Variants in NADK observed in about 807,000 individuals in gnomAD.
NADK encodes the protein poly(P)/ATP NAD kinase.
In NADK, 22 loss-of-function variants were observed where a neutral mutation model predicts 49.8. The observed-to-expected ratio is 0.44, with a 90% CI of 0.32 to 0.63. The LOEUF (loss-of-function observed/expected upper bound fraction) is 0.63, where lower values mean the gene tolerates loss of function less well. Among genes scored for constraint, NADK ranks in the 30% least tolerant of loss-of-function variants. The probability of loss-of-function intolerance (pLI) is 0.06; values close to 1 mark genes in which losing one functional copy is unlikely to be tolerated. For synonymous variants in NADK, 268 were observed against 253.7 expected, an observed-to-expected ratio of 1.06 and a Z score of -0.54; for missense variants, 438 against 609.4, an observed-to-expected ratio of 0.72 and a Z score of 2.96.
chr1:1,763,989 A>C lies in NADK; in HGVS notation c.179+1239T>G, dbSNP rs377728719. ...CTGGAGGTACAGGACAACGACCCCC[A>C]CTGACAACGAGGCAACGAGGCATCT... is the stretch of plus-strand genomic sequence containing the variant. On this transcript the variant is annotated intron_variant, in intron 2 of 11. Transcript: ENST00000341426. 8.5e-5 allele frequency among the ~76,000 whole-genome samples: 13 copies of C among 152,316 alleles called. 1 individual carries two copies. Among genetic ancestry groups the C allele is most frequent in the Admixed American group, 2.6e-4 (4 of 15,298 alleles).
intron 3 of NADK, among the ~76,000 whole-genome samples, chr1:1,760,336 G>T (rs1056696424): frequency 6.6e-6 from 1 of 152,194 alleles, no homozygotes; most frequent in Non-Finnish European, 1.5e-5. Flanking sequence ...CTCCGTCAGC[G>T]TCTGGAGCAG....
rs1408297206 is a variant in NADK at position 1,754,416 on chromosome 1, G to A, written c.844-33C>T. On this transcript the variant is annotated intron_variant, in intron 8 of 11. Coordinates refer to ENST00000341426, the MANE Select transcript of NADK (RefSeq NM_023018.5). The surrounding 1 kb of genome is among the most constrained non-coding windows in gnomAD (Gnocchi z 4.3). The stretch of plus-strand genomic sequence containing the variant: ...GGCGACAGCATTGCACACTCAGGGC[G>A]GGGGATGCCGCACGGCTCGCAGACA... The A allele has an allele frequency of 1.7e-5, 27 of 1,610,612 alleles. No homozygotes were observed. The highest frequency in any genetic ancestry group is 2.2e-5 in the Non-Finnish European group (26 of 1,177,358).
intron 2 of NADK, among the ~76,000 whole-genome samples, chr1:1,762,545 C>CA (rs1355540411): frequency 6.6e-6 from 1 of 152,110 alleles, no homozygotes; most frequent in Non-Finnish European, 1.5e-5. Flanking sequence ...CACGTGAGGT[C>CA]AGGAGTTTGA....
At chr1:1,758,201 C>G (rs538913792) in intron 3 of NADK, among the ~76,000 whole-genome samples, 1 of 152,220 alleles carries the variant, frequency 6.6e-6, no homozygotes, top group Non-Finnish European at 1.5e-5. Context: ...GTTGCCCAAT[C>G]GAGAAAGCTG....
intron 1 of NADK, among the ~76,000 whole-genome samples, chr1:1,767,575 C>A (rs1645924889): frequency 6.6e-6 from 1 of 152,188 alleles, no homozygotes; most frequent in African/African-American, 2.4e-5. Context: ...GCCAAACATA[C>A]CTTCTCATTA....
intron 3 of NADK, chr1:1,759,267 T>A: frequency 1.3e-6 from 2 of 1,550,472 alleles, no homozygotes; most frequent in Non-Finnish European, 1.7e-6. Flanking sequence ...CACCAGCCCT[T>A]GCAGGCACGC....
chr1:1,770,567 C>G (rs1240193087), intron 1 of NADK, among the ~76,000 whole-genome samples: 1 of 152,106 alleles, frequency 6.6e-6, no homozygotes, highest in Non-Finnish European at 1.5e-5. Flanking sequence ...TCTGTCTCTA[C>G]TAAAAATACA....
chr1:1,771,814 T>G (rs1646059608), intron 1 of NADK, among the ~76,000 whole-genome samples: 1 of 152,100 alleles, frequency 6.6e-6, no homozygotes. Flanking sequence ...TTTTTTTTTT[T>G]TGTCTTTTTG....
intron 1 of NADK, among the ~76,000 whole-genome samples, chr1:1,771,598 A>C (rs1646053502): frequency 6.6e-6 from 1 of 152,188 alleles, no homozygotes; most frequent in South Asian, 2.1e-4. Flanking sequence ...CATGCAGTCC[A>C]TGAATTTTTG....
intron 3 of NADK, chr1:1,759,364 G>GGGGGT: frequency 7.4e-7 from 1 of 1,347,570 alleles, no homozygotes; most frequent in Admixed American, 2.8e-5. Flanking sequence ...GGAGAGGGCA[G>GGGGGT]GGGGTGGCGT....
Position 1,770,583 on chromosome 1 carries a change from T to A in NADK, c.-40-5137A>T, listed in dbSNP as rs58184422. ...CTGTCTCTACTAAAAATACAAAAAA[T>A]TAGCCGGGCATGGTGGCGGGTGCCT... On this transcript the variant is annotated intron_variant, in intron 1 of 11. Coordinates refer to ENST00000341426, the MANE Select transcript of NADK (RefSeq NM_023018.5). Among the ~76,000 whole-genome samples, 143 of 152,092 alleles carry A rather than the reference T, an allele frequency of 9.4e-4. 1 individual carries two copies. Among genetic ancestry groups the A allele is most frequent in the African/African-American group, 3.4e-3 (140 of 41,490 alleles).
intron 1 of NADK, among the ~76,000 whole-genome samples, chr1:1,769,538 G>A (rs959877204): frequency 1.4e-4 from 21 of 151,766 alleles, no homozygotes; most frequent in Non-Finnish European, 3.1e-4. Flanking sequence ...GCAACAGAGC[G>A]AGACTCCGTC....
At chr1:1,758,728 C>T in intron 3 of NADK, 1 of 907,462 alleles carries the variant, frequency 1.1e-6, no homozygotes, top group Non-Finnish European at 1.3e-6. Flanking sequence ...TGCCTAATCC[C>T]TTCTGAAAAA....
rs959119783 is a variant in NADK, at chr1:1,778,386, T to C, written c.-138A>G. On this transcript the variant is annotated 5_prime_UTR_variant, in exon 1 of 12. Transcript: ENST00000341426. This position sits in a 1 kb window ranked among gnomAD's most constrained non-coding sequence, Gnocchi z 4.9. ...CCGCCAGCCGTCGCTACCTGGCCCT[T>C]GGCGCCCTGGCCGCCTGTTGCCCCA... The C allele has an allele frequency of 7.3e-5, 11 of 149,812 alleles. No individual in the cohort carries two copies. The highest frequency in any genetic ancestry group is 2.7e-4 in the African/African-American group (11 of 41,158). 9.3% of individuals were successfully genotyped at this position (149,812 alleles called of 1,614,324 possible). A position where few individuals can be genotyped will look rare whatever the true frequency, so the allele number is the denominator to read the frequency against.
intron 1 of NADK, among the ~76,000 whole-genome samples, chr1:1,772,740 G>A (rs959056914): frequency 6.7e-6 from 1 of 150,332 alleles, no homozygotes. Context: ...GTATGGAGGT[G>A]TAAGATGTTA....
At chr1:1,753,175 GGGCA>G in intron 11 of NADK, 115 bp from the exon 12 acceptor site, 1 of 1,310,870 alleles carries the variant, frequency 7.6e-7, no homozygotes, top group Non-Finnish European at 1.0e-6. Context: ...CTGTGGGGCC[GGGCA>G]GCCCCTCCCC....
chr1:1,759,034 TC>T, intron 3 of NADK: 1 of 1,448,592 alleles, frequency 6.9e-7, no homozygotes, highest in Non-Finnish European at 9.1e-7. Context: ...TCCGGCCTGG[TC>T]AGCCAGCAAA....
Position 1,757,293 on chromosome 1 carries a change from G to A in NADK, c.281C>T (p.Ala94Val). Residue 94 changes from alanine to valine, a missense_variant, in exon 4 of 12, where the codon GCG becomes GTG. Ala to Val is a moderately conservative substitution (Grantham distance 64, BLOSUM62 0). Coordinates refer to ENST00000341426, the MANE Select transcript of NADK (RefSeq NM_023018.5). ...PQTIMHIQDP[A>V]SQRLTWNKSP... ...CTTGTTCCACGTCAGCCGCTGGCTCGCGGGGTCCTGAATGTGCCTTTAGGG... is the reference window on the plus strand; with the variant it reads ...CTTGTTCCACGTCAGCCGCTGGCTCACGGGGTCCTGAATGTGCCTTTAGGG... 4 of 1,613,736 alleles carry A rather than the reference G, an allele frequency of 2.5e-6. No individual in the cohort carries two copies. The highest frequency in any genetic ancestry group is 2.2e-5 in the East Asian group (1 of 44,864).
rs1182294975 is a variant in NADK, at chr1:1,752,919, C to CTCA, written c.1325_1326insTGA (p.Glu441_Glu442insAsp). 1 of 1,598,354 alleles carries CTCA rather than the reference C, an allele frequency of 6.3e-7. No homozygotes were observed. The highest frequency in any genetic ancestry group is 8.5e-7 in the Non-Finnish European group (1 of 1,172,482). On this transcript the variant is annotated inframe_insertion, in exon 12 of 12. Transcript: ENST00000341426. ...GGGGCTTGACCTAGCCCTCCTCCTC[C>CTCA]TCCTCCTCCTCCTCCTCGAAGTGGG...
Sources: gnomAD v4.1 joint callset for allele counts (sites outside exome capture counted in the v4.1 genomes callset) on GRCh38, gnomAD v4.1.1 for gene constraint, Gnocchi (gnomAD v3.1) non-coding constraint, MANE v1.5 for transcripts, NCBI Gene and HGNC (gene_info 2026-07-23, HGNC 2026-07-21) for gene names.